The following DCLRE1A variants were observed in gnomAD, a reference collection of about 807,000 sequenced individuals.
DCLRE1A encodes the protein DNA cross-link repair 1A, also known as DNA cross-link repair 1A protein.
Under a neutral mutation model 91.9 loss-of-function variants are expected in DCLRE1A, and 64 were observed. The ratio of observed to expected loss-of-function variants is 0.70; its 90% CI spans 0.57 to 0.86. The LOEUF (loss-of-function observed/expected upper bound fraction) is 0.86. DCLRE1A is among the 40% of genes least tolerant of loss of function. The probability of loss-of-function intolerance (pLI) is 0.00; values close to 1 mark genes in which losing one functional copy is unlikely to be tolerated. For synonymous variants in DCLRE1A, 416 were observed against 431.1 expected (o/e 0.96, Z 0.43); for missense variants, 1,145 against 1,213.3 (o/e 0.94, Z 0.84).
chr10:113,848,849 A>T (rs1310368604), intron 2 of DCLRE1A, 131 bp downstream of exon 2: 1 of 845,430 alleles, frequency 1.2e-6, no homozygotes, highest in African/African-American at 1.7e-5. Context: ...AGGCTCATGA[A>T]GTATCACAAA....
chr10:113,841,606 G>A, intron 6 of DCLRE1A, 46 bp from the exon 7 acceptor site: 1 of 1,531,800 alleles, frequency 6.5e-7, no homozygotes, highest in Non-Finnish European at 8.7e-7. Context: ...TACAGCTTGT[G>A]AAAAAAAGTT....
At position 113,850,095 on chromosome 10, in the gene DCLRE1A, T is replaced by C; in HGVS notation, c.1010A>G (p.Asp337Gly). The C allele has an allele frequency of 6.2e-7, 1 of 1,613,922 alleles. No individual in the cohort carries two copies. ...ESSKDGSLEE[D>G]DDSCGFFKKR... Reference sequence around the variant, plus strand: ...TTTAAAAAAACCACAGCTGTCATCATCTTCTTCGAGGCTGCCATCTTTTGA... The same window carrying C: ...TTTAAAAAAACCACAGCTGTCATCACCTTCTTCGAGGCTGCCATCTTTTGA... The change falls in exon 2 of 9, where the codon GAT becomes GGT. Residue 337 changes from aspartate (D) to glycine (G), a missense_variant. Coordinates refer to ENST00000361384, the MANE Select transcript of DCLRE1A (RefSeq NM_014881.5).
At position 113,852,812 on chromosome 10, in the gene DCLRE1A, T is replaced by C. The variant is rs751656619; in HGVS notation, c.371A>G (p.Asn124Ser). 3 of 1,614,198 alleles carry C rather than the reference T, an allele frequency of 1.9e-6. No individual in the cohort carries two copies. The highest frequency in any genetic ancestry group is 2.5e-6 in the Non-Finnish European group (3 of 1,180,022). Residue 124 changes from asparagine to serine, a missense_variant, in exon 1 of 9, where the codon AAT becomes AGT. Transcript: ENST00000361384. ...IRPVYDGYCP[N>S]CQMPFSSLIG... Reference sequence around the variant, plus strand: ...CAATGAGGAAAAAGGCATCTGGCAATTTGGACAGTATCCATCATAAACTGG... The same window carrying C: ...CAATGAGGAAAAAGGCATCTGGCAACTTGGACAGTATCCATCATAAACTGG...
At chr10:113,840,208 C>T (rs1168727611) in intron 7 of DCLRE1A, among the ~76,000 whole-genome samples, 7 of 150,964 alleles carry the variant, frequency 4.6e-5, no homozygotes, top group Non-Finnish European at 7.4e-5. Context: ...GCATGAGAAT[C>T]GTTTGAACCT....
Position 113,837,140 on chromosome 10 carries a change from T to C in DCLRE1A, c.2884A>G (p.Thr962Ala). The C allele has an allele frequency of 6.2e-7, 1 of 1,613,556 alleles. No individual in the cohort carries two copies. Among genetic ancestry groups the C allele is most frequent in the African/African-American group, 1.3e-5 (1 of 75,038 alleles). ...AACTTGTTAGAGTGTGTCCATCCTG[T>C]AGGTCGAAATGCCAAAATCTGATTG... The part of the protein sequence containing the change: ...KYNQILAFRP[T>A]GWTHSNKFTR... The change falls in exon 8 of 9, where the codon ACA becomes GCA. Residue 962 changes from threonine (T) to alanine (A), a missense_variant. Transcript: ENST00000361384.
chr10:113,838,356 T>G (rs1845394385), intron 7 of DCLRE1A, among the ~76,000 whole-genome samples: 1 of 152,206 alleles, frequency 6.6e-6, no homozygotes, highest in Non-Finnish European at 1.5e-5. Context: ...AGTCCAACTT[T>G]CAATACACAT....
chr10:113,835,626 T>C (rs17228904), intron 8 of DCLRE1A, among the ~76,000 whole-genome samples: 6 of 152,088 alleles, frequency 3.9e-5, no homozygotes, highest in African/African-American at 1.4e-4. Context: ...GATCTGCCCC[T>C]TGTTGTTCTT....
At chr10:113,844,677 T>G (rs558004066) in intron 4 of DCLRE1A, among the ~76,000 whole-genome samples, 93 of 152,314 alleles carry the variant, frequency 6.1e-4, no homozygotes, top group African/African-American at 2.2e-3. Context: ...GGCTCACGCC[T>G]GTAATCCCAG....
chr10:113,849,161 C>G lies in DCLRE1A; in HGVS notation c.1944G>C (p.Ala648=). The part of the protein sequence containing the change: ...CRKSNSLQEG[A]CQKRSDHLIN... ...TAAGGTGATCTGATCTCTTCTGACA[C>G]GCTCCTTCCTGCAGTGAATTTGACT... The change falls in exon 2 of 9, where the codon GCG becomes GCC. Residue 648 remains alanine, a synonymous_variant. Coordinates refer to ENST00000361384, the MANE Select transcript of DCLRE1A (RefSeq NM_014881.5). The G allele has an allele frequency of 6.2e-7, 1 of 1,614,094 alleles. No individual in the cohort carries two copies. The highest frequency in any genetic ancestry group is 1.6e-4 in the Middle Eastern group (1 of 6,062).
intron 4 of DCLRE1A, among the ~76,000 whole-genome samples, chr10:113,845,236 T>C (rs1261427773): frequency 6.6e-6 from 1 of 152,058 alleles, no homozygotes; most frequent in Admixed American, 6.5e-5. Flanking sequence ...AAAAAAGTCT[T>C]CCAAACCTTT....
intron 7 of DCLRE1A, among the ~76,000 whole-genome samples, 181 bp from the exon 8 acceptor site, chr10:113,837,384 TTC>T (rs1464861289): frequency 6.6e-6 from 1 of 152,176 alleles, no homozygotes; most frequent in Non-Finnish European, 1.5e-5. Context: ...ATAAAATATT[TTC>T]TCCTTTACTT....
intron 7 of DCLRE1A, among the ~76,000 whole-genome samples, chr10:113,840,301 A>C (rs1437064845): frequency 6.6e-6 from 1 of 151,996 alleles, no homozygotes; most frequent in African/African-American, 2.4e-5. Context: ...CTCCAAAAAA[A>C]AAAAAAACAA....
At position 113,849,423 on chromosome 10, in the gene DCLRE1A, A is replaced by C. The variant is rs1291557412; in HGVS notation, c.1682T>G (p.Val561Gly). 6.2e-7 allele frequency: 1 copy of C among 1,614,050 alleles called. No individual in the cohort carries two copies. Among genetic ancestry groups the C allele is most frequent in the Admixed American group, 1.7e-5 (1 of 60,004 alleles). Residue 561 changes from valine (V) to glycine (G), a missense_variant, in exon 2 of 9, where the codon GTG becomes GGG. Physicochemically the swap from Val to Gly is moderately radical, Grantham distance 109. Transcript: ENST00000361384. ...TCTTTTGGGAGGTAGTCCAAAATACACACCTATATCCATTTGCTTCATTAC... is the reference window on the plus strand; with the variant it reads ...TCTTTTGGGAGGTAGTCCAAAATACCCACCTATATCCATTTGCTTCATTAC... ...TKVMKQMDIGVYFGLPPKRKE... is the reference protein window; with the variant it reads ...TKVMKQMDIGGYFGLPPKRKE...
Position 113,849,842 on chromosome 10 carries a change from A to G in DCLRE1A, c.1263T>C (p.Ser421=). The part of the protein sequence containing the change: ...PPALAGKLAA[S]VHQATKAKPD... ...GTTTTGCTTTAGTTGCCTGATGAAC[A>G]GAAGCAGCAAGCTTCCCTGCCAATG... The change falls in exon 2 of 9, where the codon TCT becomes TCC. Residue 421 remains serine (S), a synonymous_variant. Coordinates refer to ENST00000361384, the MANE Select transcript of DCLRE1A (RefSeq NM_014881.5). The G allele has an allele frequency of 6.2e-7, 1 of 1,614,136 alleles. No homozygotes were observed. Among genetic ancestry groups the G allele is most frequent in the South Asian group, 1.1e-5 (1 of 91,092 alleles).
intron 4 of DCLRE1A, 71 bp downstream of exon 4, chr10:113,845,614 A>G: frequency 8.8e-7 from 1 of 1,138,260 alleles, no homozygotes; most frequent in Non-Finnish European, 1.3e-6. Flanking sequence ...GAAAAAAGTT[A>G]TTAATCATGC....
Position 113,850,420 on chromosome 10 carries a change from A to G in DCLRE1A, c.685T>C (p.Leu229=). 6.2e-7 allele frequency: 1 copy of G among 1,614,238 alleles called. No homozygotes were observed. Among genetic ancestry groups the G allele is most frequent in the Non-Finnish European group, 8.5e-7 (1 of 1,180,050 alleles). The change falls in exon 2 of 9, where the codon TTA becomes CTA. Residue 229 remains leucine (L), a synonymous_variant. Coordinates refer to ENST00000361384, the MANE Select transcript of DCLRE1A (RefSeq NM_014881.5). ...QTDNSVSNDP[L]LMTQYFKKSP... is the part of the protein sequence containing the mutation. ...TTTTTAAAATACTGTGTCATCAATA[A>G]GGGATCATTTGAAACCGAGTTATCA...
chr10:113,847,365 G>T, intron 2 of DCLRE1A, 30 bp from the exon 3 acceptor site: 1 of 1,611,170 alleles, frequency 6.2e-7, no homozygotes, highest in South Asian at 1.1e-5. Context: ...ACAGTAGGTT[G>T]AGCAAGAGCT....
intron 5 of DCLRE1A, among the ~76,000 whole-genome samples, chr10:113,843,657 A>T (rs994947289): frequency 6.8e-4 from 104 of 152,358 alleles, no homozygotes; most frequent in African/African-American, 2.2e-3. Flanking sequence ...CATTATATTT[A>T]TAGCACTCAG....
At chr10:113,845,625 C>T (rs1246655930) in intron 4 of DCLRE1A, 60 bp downstream of exon 4, 1 of 1,236,652 alleles carries the variant, frequency 8.1e-7, no homozygotes. Flanking sequence ...TTAATCATGC[C>T]AATGTGTTGT....
Sources: gnomAD v4.1 joint callset for allele counts (sites outside exome capture counted in the v4.1 genomes callset) on GRCh38, gnomAD v4.1.1 for gene constraint, MANE v1.5 for transcripts, NCBI Gene and HGNC (gene_info 2026-07-23, HGNC 2026-07-21) for gene names.